Variants in NIN observed in about 807,000 individuals in gnomAD.
NIN encodes glycogen synthase kinase 3 beta-interacting protein.
A neutral mutation model predicts 257.6 loss-of-function variants in NIN; 137 were observed. The ratio of observed to expected loss-of-function variants is 0.53; its 90% confidence interval spans 0.46 to 0.61. The LOEUF (loss-of-function observed/expected upper bound fraction) is 0.61, where lower values mean the gene tolerates loss of function less well. NIN is among the 20% of genes least tolerant of loss of function. NIN has a pLI of 0.00. For missense variants in NIN, 2,439 were observed against 2,501.2 expected (o/e 0.98, Z 0.53); for synonymous variants, 918 against 919.8 (o/e 1.00, Z 0.04).
chr14:50,814,720 A>G (rs2142330270), intron 3 of NIN, among the ~76,000 whole-genome samples: 1 of 152,214 alleles, frequency 6.6e-6, no homozygotes, highest in African/African-American at 2.4e-5. Context: ...AGAATAGAAA[A>G]CTCAGAAATA....
rs192679904 is a variant in NIN at position 50,753,357 on chromosome 14, G to A, written c.4735-624C>T. Among the ~76,000 whole-genome samples the A allele has an allele frequency of 5.5e-3, 830 of 152,226 alleles. 6 individuals carry two copies. The highest frequency in any genetic ancestry group is 8.2e-3 in the Non-Finnish European group (559 of 68,016). ...AGAAGTTGCAGTGAGCTGAGATTGCGCCATTGCACTCCAGCCTGGGCAACA... is the reference window on the plus strand; with the variant it reads ...AGAAGTTGCAGTGAGCTGAGATTGCACCATTGCACTCCAGCCTGGGCAACA... On this transcript the variant is annotated intron_variant, in intron 20 of 30. Transcript: ENST00000530997.
At chr14:50,747,802 A>G (rs140193832) in intron 22 of NIN, among the ~76,000 whole-genome samples, 190 bp downstream of exon 22, 1 of 152,058 alleles carries the variant, frequency 6.6e-6, no homozygotes, top group African/African-American at 2.4e-5. Context: ...ATGTATAATT[A>G]GCAATAGCCT....
chr14:50,800,692 C>T (rs1008213210), intron 4 of NIN, among the ~76,000 whole-genome samples: 2 of 152,034 alleles, frequency 1.3e-5, no homozygotes, highest in African/African-American at 4.8e-5. Context: ...TGAGTGTTTC[C>T]AATTTCAGGA....
intron 5 of NIN, among the ~76,000 whole-genome samples, chr14:50,789,582 A>G (rs1378467930): frequency 6.6e-6 from 1 of 152,172 alleles, no homozygotes. Flanking sequence ...AGAAAACAAA[A>G]CAAAACAAAA....
At chr14:50,780,830 A>G (rs1340308287) in intron 5 of NIN, among the ~76,000 whole-genome samples, 1 of 152,256 alleles carries the variant, frequency 6.6e-6, no homozygotes, top group African/African-American at 2.4e-5. Context: ...TGAAAAGTGA[A>G]TTAGGACGTG....
intron 4 of NIN, among the ~76,000 whole-genome samples, chr14:50,793,867 C>T (rs2043712169): frequency 6.6e-6 from 1 of 152,182 alleles, no homozygotes; most frequent in South Asian, 2.1e-4. Context: ...TGTACAGCAT[C>T]AGAATAAAAT....
At chr14:50,754,315 A>T (rs2041928744) in intron 20 of NIN, among the ~76,000 whole-genome samples, 1 of 152,178 alleles carries the variant, frequency 6.6e-6, no homozygotes, top group African/African-American at 2.4e-5. Flanking sequence ...TCACCTCCTC[A>T]ATTCTGCTGA....
chr14:50,780,515 T>TA (rs2043093023), intron 5 of NIN, among the ~76,000 whole-genome samples: 1 of 152,222 alleles, frequency 6.6e-6, no homozygotes, highest in Admixed American at 6.5e-5. Flanking sequence ...TTCAAGTTAA[T>TA]ACGAGTTGAA....
At chr14:50,819,212 T>C (rs1452734014) in intron 3 of NIN, among the ~76,000 whole-genome samples, 1 of 152,208 alleles carries the variant, frequency 6.6e-6, no homozygotes, top group Non-Finnish European at 1.5e-5. Flanking sequence ...TGGATACTAA[T>C]GCAGCCAAAA....
chr14:50,720,828 G>A lies in NIN; in HGVS notation c.*2635C>T. The A allele has an allele frequency of 5.0e-6, 1 of 200,428 alleles. No homozygotes were observed. Among genetic ancestry groups the A allele is most frequent in the Non-Finnish European group, 1.0e-5 (1 of 97,228 alleles). The allele number at this position is 200,428 out of a possible 1,614,324, so 12.4% of individuals were successfully genotyped here. A position where few individuals can be genotyped will look rare whatever the true frequency, so the allele number is the denominator to read the frequency against. ...CTTAGTGTAACGTATTATCTCAAAG[G>A]CAAACTTGATTCCCTTTTCTTGAAA... On this transcript the variant is annotated 3_prime_UTR_variant, in exon 31 of 31. Transcript: ENST00000530997.
At chr14:50,826,754 A>T (rs533124722) in intron 2 of NIN, among the ~76,000 whole-genome samples, 1 of 152,336 alleles carries the variant, frequency 6.6e-6, no homozygotes, top group African/African-American at 2.4e-5. Flanking sequence ...AGTGAAAACC[A>T]AGTAATAAAT....
At chr14:50,773,495 T>C (rs1406389380) in intron 7 of NIN, among the ~76,000 whole-genome samples, 1 of 152,252 alleles carries the variant, frequency 6.6e-6, no homozygotes, top group African/African-American at 2.4e-5. Flanking sequence ...ACTTTTATAC[T>C]GTGGTGACCC....
At chr14:50,744,398 A>G in intron 22 of NIN, 33 bp from the exon 23 acceptor site, 2 of 1,609,782 alleles carry the variant, frequency 1.2e-6, no homozygotes, top group Non-Finnish European at 1.7e-6. Flanking sequence ...CCCTCCCATC[A>G]CATCTCATGG....
intron 5 of NIN, among the ~76,000 whole-genome samples, chr14:50,791,680 G>A (rs1359432046): frequency 4.6e-5 from 7 of 152,110 alleles, no homozygotes; most frequent in African/African-American, 1.2e-4. Context: ...GGATTTTGGG[G>A]TATTCTGGAA....
rs764639289 is a variant in NIN, at chr14:50,760,067, C to T, written c.2189G>A (p.Arg730Lys). The T allele has an allele frequency of 3.1e-6, 5 of 1,614,180 alleles. No individual in the cohort carries two copies. The highest frequency in any genetic ancestry group is 2.2e-5 in the East Asian group (1 of 44,890). Residue 730 changes from arginine (R) to lysine (K), a missense_variant, in exon 17 of 31, where the codon AGA becomes AAA. Transcript: ENST00000530997. ...RLQHEMELKARLTQAQASFER... is the reference protein window; with the variant it reads ...RLQHEMELKAKLTQAQASFER... ...AAAGCTTGCTTGAGCCTGTGTCAGT[C>T]TAGCCTTGAGCTCCATCTCATGTTG...
intron 29 of NIN, chr14:50,727,136 T>C (rs1423824899): frequency 4.0e-6 from 1 of 249,328 alleles, no homozygotes; most frequent in East Asian, 1.8e-4. Flanking sequence ...TACAAAATGA[T>C]GTCTATTTGC....
At chr14:50,771,206 A>G in intron 10 of NIN, 126 bp downstream of exon 10, 1 of 1,229,498 alleles carries the variant, frequency 8.1e-7, no homozygotes, top group East Asian at 2.4e-5. Flanking sequence ...AGATGTGTGC[A>G]GCAGTTGGAT....
intron 17 of NIN, among the ~76,000 whole-genome samples, chr14:50,759,647 C>T (rs563151520): frequency 1.8e-4 from 28 of 152,310 alleles, no homozygotes; most frequent in African/African-American, 6.5e-4. Context: ...GCGCCCGCCA[C>T]CACGCCCGGC....
intron 27 of NIN, among the ~76,000 whole-genome samples, chr14:50,736,636 A>C (rs752492860): frequency 4.6e-5 from 7 of 152,214 alleles, no homozygotes; most frequent in Non-Finnish European, 1.0e-4. Context: ...TATTATTAAA[A>C]GCCTATCACA....
Sources: allele counts gnomAD v4.1 joint callset (sites outside exome capture counted in the v4.1 genomes callset), GRCh38; gene constraint gnomAD v4.1.1; transcripts MANE v1.5; gene names NCBI Gene and HGNC (gene_info 2026-07-23, HGNC 2026-07-21).